NCKAP5: variants seen among roughly 807,000 people sequenced by gnomAD.
The protein encoded by NCKAP5 is nck-associated protein 5.
A neutral mutation model predicts 167.0 loss-of-function variants in NCKAP5; 92 were observed. That is an observed-to-expected ratio of 0.55 (90% confidence interval 0.47 to 0.66). The LOEUF is 0.66. NCKAP5 is among the 30% of genes least tolerant of loss of function. The pLI is 0.00. For missense variants in NCKAP5, 2,378 were observed against 2,315.0 expected (o/e 1.03, Z -0.56); for synonymous variants, 891 against 877.4 (o/e 1.02, Z -0.27).
the NCKAP5 span, among the ~76,000 whole-genome samples, chr2:133,574,251 G>C: frequency 6.6e-6 from 1 of 152,212 alleles, no homozygotes; most frequent in Non-Finnish European, 1.5e-5. Flanking sequence ...ACACACTGAG[G>C]CTTGACGCAT....
chr2:133,323,147 C>T (rs58035542), intron 3 of NCKAP5, among the ~76,000 whole-genome samples: 2 of 151,878 alleles, frequency 1.3e-5, no homozygotes, highest in African/African-American at 4.8e-5. Flanking sequence ...TCCAAGTTTG[C>T]CTAAAAGTAG....
chr2:133,039,771 C>G (rs1359463004), intron 6 of NCKAP5, among the ~76,000 whole-genome samples: 2 of 152,206 alleles, frequency 1.3e-5, no homozygotes, highest in African/African-American at 4.8e-5. Flanking sequence ...TCAACAAGCA[C>G]TCCCTAAGCA....
rs539621801 is a variant in NCKAP5, at chr2:132,787,217, G to A, written c.1093-1499C>T. 7.9e-5 allele frequency among the ~76,000 whole-genome samples: 12 copies of A among 152,102 alleles called. No homozygotes were observed. In the South Asian group the frequency reaches 2.1e-3, roughly 26 times the overall value. On this transcript the variant is annotated intron_variant, in intron 13 of 19. Coordinates refer to ENST00000409261, the MANE Select transcript of NCKAP5 (RefSeq NM_207363.3). Reference sequence around the variant, plus strand: ...ACAAGAATTAGCTGTGCATGTTGGCGGGTGCCTGTAATCCCAGCTACTCAG... The same window carrying A: ...ACAAGAATTAGCTGTGCATGTTGGCAGGTGCCTGTAATCCCAGCTACTCAG...
intron 7 of NCKAP5, among the ~76,000 whole-genome samples, chr2:132,971,041 T>G (rs1249539566): frequency 6.6e-6 from 1 of 152,232 alleles, no homozygotes; most frequent in Non-Finnish European, 1.5e-5. Flanking sequence ...GCTGAGCAGT[T>G]CCTACATGCT....
In NCKAP5 at chr2:133,547,841, G is replaced by A. The variant is rs1206704560; in HGVS notation, c.-62+11209C>T. On this transcript the variant is annotated intron_variant, in intron 2 of 19. Coordinates refer to ENST00000409261, the MANE Select transcript of NCKAP5 (RefSeq NM_207363.3). Reference sequence around the variant, plus strand: ...AGCGCCTCTCCTCCTCCAAAGGAACGCAGTTCCTCACCAGCAACGGAACAA... The same window carrying A: ...AGCGCCTCTCCTCCTCCAAAGGAACACAGTTCCTCACCAGCAACGGAACAA... Among the ~76,000 whole-genome samples, 318 of 148,190 alleles carry A rather than the reference G, an allele frequency of 2.1e-3. 2 individuals carry two copies. Among genetic ancestry groups the A allele is most frequent in the African/African-American group, 5.7e-3 (228 of 39,980 alleles).
intron 6 of NCKAP5, among the ~76,000 whole-genome samples, chr2:133,069,195 C>T (rs1290292526): frequency 7.2e-5 from 11 of 152,080 alleles, no homozygotes; most frequent in African/African-American, 2.2e-4. Context: ...AAATAACGTA[C>T]AAATGTAAAG....
chr2:132,919,500 G>T (rs756082653), intron 8 of NCKAP5, among the ~76,000 whole-genome samples: 1 of 152,060 alleles, frequency 6.6e-6, no homozygotes, highest in Non-Finnish European at 1.5e-5. Context: ...CACTGAACAC[G>T]CAAACTAGCT....
intron 11 of NCKAP5, among the ~76,000 whole-genome samples, chr2:132,822,003 C>A (rs766413523): frequency 6.6e-6 from 1 of 152,142 alleles, no homozygotes; most frequent in African/African-American, 2.4e-5. Flanking sequence ...ACCTGAAAAA[C>A]CAAAATACTC....
chr2:133,248,454 T>G (rs1402358025), intron 4 of NCKAP5, among the ~76,000 whole-genome samples: 1 of 152,220 alleles, frequency 6.6e-6, no homozygotes, highest in Non-Finnish European at 1.5e-5. Context: ...GCCCTTCCTC[T>G]GCAGTGTGCA....
At chr2:132,717,646 C>T (rs1689494458) in intron 19 of NCKAP5, among the ~76,000 whole-genome samples, 1 of 152,194 alleles carries the variant, frequency 6.6e-6, no homozygotes, top group Non-Finnish European at 1.5e-5. Flanking sequence ...CCCTCAGCGT[C>T]CCTTTTAATA....
chr2:132,785,424 C>T lies in NCKAP5; in HGVS notation c.1387G>A (p.Glu463Lys). The change falls in exon 14 of 20, where the codon GAA becomes AAA. Residue 463 changes from glutamate (E) to lysine (K), a missense_variant. By Grantham distance (56) the Glu-to-Lys change is moderately conservative. Around this residue, in one of 3 missense-constraint regions of NCKAP5, gnomAD observed 1,049 missense variants for 1,023.4 expected, o/e 1.02. Coordinates refer to ENST00000409261, the MANE Select transcript of NCKAP5 (RefSeq NM_207363.3). Reference protein sequence around the residue: ...KTADLGSPCKEPHKTFVYDLD... With the variant: ...KTADLGSPCKKPHKTFVYDLD... Reference sequence around the variant, plus strand: ...TCATAAACAAATGTCTTGTGGGGTTCCTTGCAGGGGCTCCCCAGGTCAGCT... The same window carrying T: ...TCATAAACAAATGTCTTGTGGGGTTTCTTGCAGGGGCTCCCCAGGTCAGCT... The T allele has an allele frequency of 6.2e-7, 1 of 1,613,872 alleles. No individual in the cohort carries two copies. Among genetic ancestry groups the T allele is most frequent in the Middle Eastern group, 1.6e-4 (1 of 6,062 alleles).
chr2:133,363,285 A>G (rs1685243633), intron 3 of NCKAP5, among the ~76,000 whole-genome samples: 2 of 152,058 alleles, frequency 1.3e-5, no homozygotes, highest in Admixed American at 6.5e-5. Context: ...CCCACTGCCC[A>G]TTTTTGTAAA....
At chr2:133,609,716 C>G in the NCKAP5 span, among the ~76,000 whole-genome samples, 1 of 152,112 alleles carries the variant, frequency 6.6e-6, no homozygotes, top group Non-Finnish European at 1.5e-5. Flanking sequence ...GCTGGCCCAA[C>G]AGCTCTGAGT....
chr2:133,434,359 A>G (rs1257460221), intron 3 of NCKAP5, among the ~76,000 whole-genome samples: 1 of 152,234 alleles, frequency 6.6e-6, no homozygotes, highest in African/African-American at 2.4e-5. Flanking sequence ...AATTTCAAGG[A>G]AAGTTTTCTT....
At chr2:133,492,094 C>T (rs1017077419) in intron 3 of NCKAP5, among the ~76,000 whole-genome samples, 1 of 150,290 alleles carries the variant, frequency 6.7e-6, no homozygotes, top group Non-Finnish European at 1.5e-5. Flanking sequence ...ATGCATCTCC[C>T]ATCCTGCCCC....
intron 11 of NCKAP5, among the ~76,000 whole-genome samples, chr2:132,847,062 A>T (rs921224889): frequency 6.6e-6 from 1 of 152,188 alleles, no homozygotes; most frequent in Non-Finnish European, 1.5e-5. Context: ...TACTTTTAAA[A>T]AGTAGGAAAT....
intron 5 of NCKAP5, among the ~76,000 whole-genome samples, chr2:133,208,730 A>C (rs2086073276): frequency 6.6e-6 from 1 of 152,218 alleles, no homozygotes; most frequent in African/African-American, 2.4e-5. Context: ...GCTAATGCAA[A>C]GTATTCATAA....
At chr2:132,966,770 A>G (rs2076682127) in intron 7 of NCKAP5, among the ~76,000 whole-genome samples, 1 of 152,176 alleles carries the variant, frequency 6.6e-6, no homozygotes, top group Admixed American at 6.5e-5. Context: ...AGCTTATCCG[A>G]CACACATGTA....
chr2:133,250,302 G>A (rs1341590401), intron 4 of NCKAP5, among the ~76,000 whole-genome samples: 3 of 152,194 alleles, frequency 2.0e-5, no homozygotes, highest in South Asian at 2.1e-4. Context: ...GGGGCAGGCA[G>A]AGCGGATGAT....
Sources: allele counts gnomAD v4.1 joint callset (sites outside exome capture counted in the v4.1 genomes callset), GRCh38; gene constraint gnomAD v4.1.1; regional missense constraint gnomAD v4.1.1; transcripts MANE v1.5; gene names NCBI Gene and HGNC (gene_info 2026-07-23, HGNC 2026-07-21).